The following CARS2 variants were observed in gnomAD, a reference collection of about 807,000 sequenced individuals.
CARS2 encodes probable cysteine--tRNA ligase, mitochondrial.
In CARS2, 52 loss-of-function variants were observed where a neutral mutation model predicts 68.8. The ratio of observed to expected loss-of-function variants is 0.76; its 90% confidence interval spans 0.61 to 0.95. The LOEUF (loss-of-function observed/expected upper bound fraction) is 0.95, where lower values mean the gene tolerates loss of function less well. Among genes scored for constraint, CARS2 ranks in the 40% least tolerant of loss-of-function variants. CARS2 has a pLI of 0.00. For missense variants in CARS2, 780 were observed against 754.2 expected (o/e 1.03, Z -0.40); for synonymous variants, 314 against 303.6 (o/e 1.03, Z -0.36).
At chr13:110,657,899 C>A (rs879691362) in intron 9 of CARS2, among the ~76,000 whole-genome samples, 5 of 152,222 alleles carry the variant, frequency 3.3e-5, no homozygotes, top group Admixed American at 6.5e-5. Flanking sequence ...TTGCAGCCCC[C>A]AGGGAATGCA....
chr13:110,642,545 C>T (rs753970334), intron 13 of CARS2, 24 bp from the exon 14 acceptor site: 33 of 1,602,528 alleles, frequency 2.1e-5, no homozygotes, highest in East Asian at 1.1e-4. Flanking sequence ...GGCGCGGTTA[C>T]GTCCCCCGGA....
At chr13:110,666,047 C>T in intron 8 of CARS2, 1 of 985,274 alleles carries the variant, frequency 1.0e-6, no homozygotes, top group Non-Finnish European at 1.2e-6. Context: ...TATCTGGGCT[C>T]CCAGCACGCT....
At chr13:110,706,777 C>A (rs2063970008), upstream of CARS2, among the ~76,000 whole-genome samples, 1 of 146,272 alleles carries the variant, frequency 6.8e-6, no homozygotes, top group African/African-American at 2.5e-5. Flanking sequence ...GCACACACAT[C>A]AGCATCCCAA....
intron 5 of CARS2, among the ~76,000 whole-genome samples, chr13:110,684,558 A>G (rs1454936474): frequency 6.7e-6 from 1 of 149,942 alleles, no homozygotes; most frequent in African/African-American, 2.4e-5. Context: ...TGTTTGCCCA[A>G]GCCACACTGG....
intron 3 of CARS2, among the ~76,000 whole-genome samples, chr13:110,699,030 A>T (rs2063706818): frequency 1.3e-5 from 2 of 151,826 alleles, no homozygotes. Flanking sequence ...AAGAAAAAAA[A>T]ACCCAAGGAG....
intron 7 of CARS2, among the ~76,000 whole-genome samples, chr13:110,673,213 G>A (rs1351357974): frequency 2.0e-5 from 3 of 152,136 alleles, no homozygotes; most frequent in Non-Finnish European, 2.9e-5. Flanking sequence ...CTCATTTTAA[G>A]AGGCCAGCAT....
At chr13:110,694,923 GCA>G (rs1217614323) in intron 3 of CARS2, among the ~76,000 whole-genome samples, 1 of 152,188 alleles carries the variant, frequency 6.6e-6, no homozygotes, top group Non-Finnish European at 1.5e-5. Context: ...AGAAAACGCA[GCA>G]CAGTCGGCTC....
chr13:110,708,076 C>T (rs552104235), upstream of CARS2, among the ~76,000 whole-genome samples: 18 of 152,146 alleles, frequency 1.2e-4, no homozygotes, highest in Non-Finnish European at 2.2e-4. Context: ...ATTTATCTCC[C>T]TGAGTATCTT....
chr13:110,661,415 C>T (rs2062500931), intron 9 of CARS2, among the ~76,000 whole-genome samples: 2 of 152,190 alleles, frequency 1.3e-5, no homozygotes. Context: ...AAAGTTAGGG[C>T]CTTGTTCCAG....
chr13:110,659,767 G>C (rs138662369), intron 9 of CARS2, among the ~76,000 whole-genome samples: 5 of 152,212 alleles, frequency 3.3e-5, no homozygotes, highest in African/African-American at 1.2e-4. Context: ...TGAGCCTTCA[G>C]TGAGTCATCT....
chr13:110,691,480 A>T (rs1389791413), intron 3 of CARS2, among the ~76,000 whole-genome samples: 2 of 151,994 alleles, frequency 1.3e-5, no homozygotes, highest in Non-Finnish European at 2.9e-5. Flanking sequence ...TGGCTTCTGG[A>T]TTTGGAAACA....
chr13:110,675,259 G>A (rs1352278684), intron 7 of CARS2, among the ~76,000 whole-genome samples: 5 of 152,276 alleles, frequency 3.3e-5, no homozygotes, highest in South Asian at 4.1e-4. Flanking sequence ...ACATGCACAC[G>A]TATGTTTATT....
chr13:110,694,502 T>C (rs918655512), intron 3 of CARS2, among the ~76,000 whole-genome samples: 3 of 151,728 alleles, frequency 2.0e-5, no homozygotes, highest in Admixed American at 2.0e-4. Flanking sequence ...CTGGGCGTAG[T>C]GGTGTACGCC....
At chr13:110,693,924 T>C (rs371553164) in intron 3 of CARS2, among the ~76,000 whole-genome samples, 77 of 152,172 alleles carry the variant, frequency 5.1e-4, no homozygotes, top group African/African-American at 1.8e-3. Flanking sequence ...TTCACCTTCT[T>C]CCAGAAAGCC....
intron 6 of CARS2, among the ~76,000 whole-genome samples, chr13:110,681,888 GA>G (rs1248464420): frequency 6.6e-6 from 1 of 152,220 alleles, no homozygotes; most frequent in East Asian, 1.9e-4. Flanking sequence ...AGAGACTGTA[GA>G]AAGACCAGTG....
At chr13:110,697,599 C>A (rs561240567) in intron 3 of CARS2, among the ~76,000 whole-genome samples, 52 of 152,348 alleles carry the variant, frequency 3.4e-4, no homozygotes, top group Non-Finnish European at 6.6e-4. Flanking sequence ...CACACCTCCA[C>A]ACCCAGCTAA....
upstream of CARS2, among the ~76,000 whole-genome samples, chr13:110,710,179 G>C (rs373169182): frequency 6.6e-6 from 1 of 152,114 alleles, no homozygotes; most frequent in South Asian, 2.1e-4. Context: ...TCAGGAGTTC[G>C]AGACCAGCCT....
At chr13:110,699,186 C>T (rs1023192039) in intron 3 of CARS2, among the ~76,000 whole-genome samples, 4 of 152,288 alleles carry the variant, frequency 2.6e-5, no homozygotes, top group Admixed American at 1.3e-4. Context: ...TGAGCAAATA[C>T]GTTTCTATTC....
Position 110,706,070 on chromosome 13 carries a change from TG to T in CARS2, c.23del (p.Pro8GlnfsTer58). 7.5e-7 allele frequency: 1 copy of T among 1,336,744 alleles called. No homozygotes were observed. Among genetic ancestry groups the T allele is most frequent in the Non-Finnish European group, 9.6e-7 (1 of 1,043,236 alleles). 82.8% of individuals were successfully genotyped at this position (1,336,744 alleles called of 1,614,324 possible). MLRTTRG[P>X]GLGPPLLQAA... ...CCTGGAGCAGCGGGGGGCCCAGGCCTGGGCCGCGCGTAGTCCTCAACATGTC... is the reference window on the plus strand; with the variant it reads ...CCTGGAGCAGCGGGGGGCCCAGGCCTGGCCGCGCGTAGTCCTCAACATGTC... On this transcript the variant is annotated frameshift_variant, in exon 1 of 15. Transcript: ENST00000257347. LOFTEE classifies it high-confidence loss of function.
Sources: allele counts gnomAD v4.1 joint callset (sites outside exome capture counted in the v4.1 genomes callset), GRCh38; gene constraint gnomAD v4.1.1; transcripts MANE v1.5; gene names NCBI Gene and HGNC (gene_info 2026-07-23, HGNC 2026-07-21).